The following SV2C variants were observed in gnomAD, a reference collection of about 807,000 sequenced individuals.
SV2C encodes solute carrier family 22 member B3.
Under a neutral mutation model 79.7 loss-of-function variants are expected in SV2C, and 49 were observed. The ratio of observed to expected loss-of-function variants is 0.61; its 90% CI spans 0.49 to 0.78. The LOEUF is 0.78. Ranked by LOEUF, SV2C falls within the 30% of genes least tolerant of loss-of-function variation. The pLI, the probability that SV2C is intolerant of heterozygous loss-of-function variation, is 0.00. For synonymous variants in SV2C, 334 were observed against 333.2 expected (o/e 1.00, Z -0.03); for missense variants, 833 against 912.9 (o/e 0.91, Z 1.13).
At chr5:76,267,932 G>A (rs1746718559) in intron 4 of SV2C, among the ~76,000 whole-genome samples, 2 of 152,216 alleles carry the variant, frequency 1.3e-5, no homozygotes, top group African/African-American at 4.8e-5. Flanking sequence ...CACTTGGGGT[G>A]CTTGTTTGGA....
downstream of SV2C, among the ~76,000 whole-genome samples, chr5:76,338,597 C>T (rs1388826502): frequency 2.0e-5 from 3 of 152,146 alleles, no homozygotes; most frequent in Non-Finnish European, 2.9e-5. Flanking sequence ...CTATTGCCCC[C>T]TCTTCAGCCT....
chr5:75,889,852 T>A, the SV2C span, among the ~76,000 whole-genome samples: 2 of 152,100 alleles, frequency 1.3e-5, no homozygotes, highest in Non-Finnish European at 2.9e-5. Flanking sequence ...GTGCCCACTC[T>A]AGAGATGTGT....
chr5:76,254,218 G>A (rs1746200557), intron 4 of SV2C, among the ~76,000 whole-genome samples: 1 of 135,234 alleles, frequency 7.4e-6, no homozygotes, highest in Non-Finnish European at 1.6e-5. Context: ...ATATATATGT[G>A]TGTGTATATA....
At chr5:75,990,984 A>G in the SV2C span, among the ~76,000 whole-genome samples, 1 of 152,040 alleles carries the variant, frequency 6.6e-6, no homozygotes, top group Admixed American at 6.6e-5. Flanking sequence ...CTGAAAAATC[A>G]CACACACAGT....
chr5:76,225,935 G>C (rs1368472220), intron 4 of SV2C, among the ~76,000 whole-genome samples: 1 of 152,168 alleles, frequency 6.6e-6, no homozygotes, highest in East Asian at 1.9e-4. Context: ...GAAGCCAGAG[G>C]TGCTTCTAGG....
the SV2C span, among the ~76,000 whole-genome samples, chr5:75,865,932 G>A: frequency 6.6e-6 from 1 of 152,198 alleles, no homozygotes; most frequent in Non-Finnish European, 1.5e-5. Flanking sequence ...GATGGAGCCT[G>A]CACATGTGCC....
At chr5:76,063,164 C>T in the SV2C span, among the ~76,000 whole-genome samples, 1 of 152,152 alleles carries the variant, frequency 6.6e-6, no homozygotes, top group Non-Finnish European at 1.5e-5. Context: ...CTTCATTGGA[C>T]TCCTCTCCCT....
At chr5:76,338,675 T>G (rs1416608861), downstream of SV2C, among the ~76,000 whole-genome samples, 1 of 117,490 alleles carries the variant, frequency 8.5e-6, no homozygotes, top group Non-Finnish European at 1.8e-5. Context: ...TTTTTTTTTT[T>G]GAGACAGATT....
chr5:76,280,692 G>A (rs1028596006), intron 4 of SV2C, among the ~76,000 whole-genome samples: 1 of 152,184 alleles, frequency 6.6e-6, no homozygotes, highest in Non-Finnish European at 1.5e-5. Context: ...TTTCCCCGGG[G>A]GGTGCCTGGG....
chr5:75,952,247 T>TTTCCTTCC, the SV2C span, among the ~76,000 whole-genome samples: 13,697 of 143,984 alleles, frequency 0.095, 738 homozygotes, highest in East Asian at 0.12. Flanking sequence ...TCTCCTGCAT[T>TTTCCTTCC]TTCCTTCCTT....
At chr5:75,964,926 A>G in the SV2C span, among the ~76,000 whole-genome samples, 3 of 152,206 alleles carry the variant, frequency 2.0e-5, no homozygotes, top group African/African-American at 7.2e-5. Flanking sequence ...AGAAAAAGAT[A>G]ACTGGAAGAG....
the SV2C span, among the ~76,000 whole-genome samples, chr5:75,996,413 A>G: frequency 1.3e-5 from 2 of 152,206 alleles, no homozygotes; most frequent in Non-Finnish European, 2.9e-5. Context: ...GAAGTCAGGT[A>G]GCATGATGCC....
Position 76,333,094 on chromosome 5 carries a change from T to G in SV2C, c.*7547T>G, listed in dbSNP as rs1431773016. ...ATGAAACTAGTTTGAAGTTGCAAAG[T>G]GTCTCCCCTCTTGCGCCCACGTAGT... On this transcript the variant is annotated 3_prime_UTR_variant, in exon 13 of 13. Transcript: ENST00000502798. The G allele has an allele frequency of 1.3e-5, 2 of 152,206 alleles. No homozygotes were observed. Among genetic ancestry groups the G allele is most frequent in the East Asian group, 3.8e-4 (2 of 5,198 alleles). The allele number at this position is 152,206 out of a possible 1,614,324, so 9.4% of individuals were successfully genotyped here. A position where few individuals can be genotyped will look rare whatever the true frequency, so the allele number is the denominator to read the frequency against.
chr5:75,911,292 C>A, the SV2C span: 2 of 1,430,150 alleles, frequency 1.4e-6, no homozygotes, highest in Non-Finnish European at 2.0e-6. Flanking sequence ...CAGGCAGAAC[C>A]CTGAGCCCTT....
chr5:76,095,761 G>A (rs2112107278), intron 1 of SV2C, among the ~76,000 whole-genome samples: 1 of 152,068 alleles, frequency 6.6e-6, no homozygotes, highest in African/African-American at 2.4e-5. Context: ...CAGAATGTTA[G>A]TAACTAGATA....
chr5:76,010,423 G>T, the SV2C span, among the ~76,000 whole-genome samples: 13 of 152,232 alleles, frequency 8.5e-5, no homozygotes, highest in South Asian at 2.3e-3. Context: ...TCAAGGGTAT[G>T]GATCCTACAC....
chr5:76,263,719 A>G (rs999253173), intron 4 of SV2C, among the ~76,000 whole-genome samples: 1 of 152,154 alleles, frequency 6.6e-6, no homozygotes, highest in Non-Finnish European at 1.5e-5. Flanking sequence ...TCCTTCACTT[A>G]TGAAAGTTAG....
the SV2C span, among the ~76,000 whole-genome samples, chr5:75,952,214 T>C: frequency 6.6e-6 from 1 of 151,780 alleles, no homozygotes; most frequent in African/African-American, 2.4e-5. Context: ...TAACTTAACT[T>C]ATTCTGATTT....
intron 7 of SV2C, 87 bp downstream of exon 7, chr5:76,291,418 G>A (rs1747560539): frequency 9.2e-7 from 1 of 1,090,542 alleles, no homozygotes; most frequent in Non-Finnish European, 1.3e-6. Flanking sequence ...CCTGCCCTAT[G>A]AGCGAGGTTC....
Sources: gnomAD v4.1 joint callset for allele counts (sites outside exome capture counted in the v4.1 genomes callset) on GRCh38, gnomAD v4.1.1 for gene constraint, MANE v1.5 for transcripts, NCBI Gene and HGNC (gene_info 2026-07-23, HGNC 2026-07-21) for gene names.